MTHFD2L: variants seen among roughly 807,000 people sequenced by gnomAD.
MTHFD2L encodes the protein methylenetetrahydrofolate dehydrogenase (NADP+ dependent) 2 like.
A neutral mutation model predicts 34.9 loss-of-function variants in MTHFD2L; 29 were observed. The observed-to-expected ratio is 0.83, with a 90% CI of 0.62 to 1.13. MTHFD2L has a LOEUF of 1.13. Among genes scored for constraint, MTHFD2L ranks in the 50% most tolerant of loss-of-function variants. The pLI, the probability that MTHFD2L is intolerant of heterozygous loss-of-function variation, is 0.00. For missense variants in MTHFD2L, 481 were observed against 446.5 expected (o/e 1.08, Z -0.70); for synonymous variants, 167 against 155.7 (o/e 1.07, Z -0.54).
intron 5 of MTHFD2L, among the ~76,000 whole-genome samples, chr4:74,215,094 G>T (rs925023907): frequency 1.3e-5 from 2 of 151,790 alleles, no homozygotes; most frequent in East Asian, 3.9e-4. Context: ...AGACTGCTAT[G>T]CTGGCAGTGA....
rs542219175 is a variant in MTHFD2L at position 74,208,366 on chromosome 4, C to T, written c.712+6996C>T. On this transcript the variant is annotated intron_variant, in intron 5 of 7. Transcript: ENST00000325278. The stretch of plus-strand genomic sequence containing the variant: ...TCTTCTAAATTCAGCCATTTAGTAT[C>T]TGCACAGCACTGCACTTGGAAATTA... Among the ~76,000 whole-genome samples, 6 of 152,058 alleles carry T rather than the reference C, an allele frequency of 3.9e-5. No individual in the cohort carries two copies. The East Asian group carries it at 1.2e-3, about 29-fold the overall frequency.
chr4:74,290,679 G>A (rs1748776864), intron 7 of MTHFD2L, among the ~76,000 whole-genome samples: 1 of 151,782 alleles, frequency 6.6e-6, no homozygotes, highest in Admixed American at 6.6e-5. Context: ...AGGGTACATT[G>A]CTCACGTTTT....
At chr4:74,151,195 C>T (rs549477444) in intron 1 of MTHFD2L, among the ~76,000 whole-genome samples, 1 of 152,084 alleles carries the variant, frequency 6.6e-6, no homozygotes, top group African/African-American at 2.4e-5. Context: ...AATAAACTAT[C>T]AATAAGTTAT....
intron 5 of MTHFD2L, among the ~76,000 whole-genome samples, chr4:74,217,577 C>T (rs1308672535): frequency 1.3e-5 from 2 of 151,584 alleles, no homozygotes; most frequent in Non-Finnish European, 2.9e-5. Flanking sequence ...TTTCCGTATC[C>T]CGAGAAAGTG....
At chr4:74,198,776 G>C (rs945425678) in intron 3 of MTHFD2L, among the ~76,000 whole-genome samples, 4 of 152,116 alleles carry the variant, frequency 2.6e-5, no homozygotes, top group Non-Finnish European at 5.9e-5. Context: ...CTATTGAATG[G>C]AGAGACTTTC....
At chr4:74,296,546 T>G (rs1749658206) in intron 7 of MTHFD2L, among the ~76,000 whole-genome samples, 1 of 152,096 alleles carries the variant, frequency 6.6e-6, no homozygotes, top group African/African-American at 2.4e-5. Flanking sequence ...GTTTGCACAT[T>G]GGGGTTTGCC....
At chr4:74,164,186 A>G (rs1371452280) in intron 1 of MTHFD2L, among the ~76,000 whole-genome samples, 2 of 152,272 alleles carry the variant, frequency 1.3e-5, no homozygotes, top group East Asian at 3.9e-4. Flanking sequence ...AGGTTTTTTC[A>G]ACATTATAGA....
upstream of MTHFD2L, chr4:74,158,071 G>T: frequency 6.5e-7 from 1 of 1,531,188 alleles, no homozygotes; most frequent in East Asian, 2.5e-5. Context: ...GCGGAGCCAG[G>T]CCTCCAGCCG....
chr4:74,279,537 C>T (rs1454699882), intron 6 of MTHFD2L, among the ~76,000 whole-genome samples: 1 of 151,946 alleles, frequency 6.6e-6, no homozygotes, highest in East Asian at 1.9e-4. Flanking sequence ...TCACACTTTC[C>T]TCTATTTTGA....
intron 7 of MTHFD2L, among the ~76,000 whole-genome samples, chr4:74,291,083 T>A (rs575339171): frequency 9.0e-5 from 12 of 134,066 alleles, no homozygotes; most frequent in African/African-American, 3.4e-4. Context: ...AGTGGTGCGA[T>A]CTTGGCTCAC....
chr4:74,167,080 C>G (rs1578316495), intron 1 of MTHFD2L, among the ~76,000 whole-genome samples: 1 of 152,284 alleles, frequency 6.6e-6, no homozygotes. Context: ...ATTTGCAGAC[C>G]AAGGCTCCAG....
chr4:74,225,512 G>A (rs1739011124), intron 6 of MTHFD2L, 118 bp downstream of exon 6: 3 of 727,586 alleles, frequency 4.1e-6, no homozygotes, highest in South Asian at 3.5e-5. Context: ...ACTAACTTCT[G>A]TTGATTGGAT....
intron 1 of MTHFD2L, among the ~76,000 whole-genome samples, chr4:74,130,332 T>C (rs1390516415): frequency 3.3e-5 from 5 of 151,732 alleles, no homozygotes; most frequent in Non-Finnish European, 5.9e-5. Flanking sequence ...GATGCGAAAA[T>C]CCTCCATAAA....
At chr4:74,175,714 A>G (rs897808941) in intron 3 of MTHFD2L, among the ~76,000 whole-genome samples, 32 of 151,980 alleles carry the variant, frequency 2.1e-4, no homozygotes, top group African/African-American at 2.4e-5. Context: ...AAAAATAACA[A>G]TTTTTCTGTG....
intron 1 of MTHFD2L, among the ~76,000 whole-genome samples, chr4:74,164,547 G>A (rs1163130549): frequency 1.3e-5 from 2 of 152,190 alleles, no homozygotes; most frequent in Non-Finnish European, 2.9e-5. Context: ...GTCTCCATCT[G>A]TAATTTAGCA....
intron 1 of MTHFD2L, among the ~76,000 whole-genome samples, chr4:74,173,274 A>C (rs932744134): frequency 1.3e-5 from 2 of 152,188 alleles, no homozygotes; most frequent in Non-Finnish European, 2.9e-5. Flanking sequence ...AGAGCAGAAA[A>C]GCCTTTCTAG....
chr4:74,210,176 C>CA (rs140886945), intron 5 of MTHFD2L, among the ~76,000 whole-genome samples: 142,915 of 152,232 alleles, frequency 0.94, 67,459 homozygotes, highest in Non-Finnish European at 0.99. Context: ...TTTTGCTGTG[C>CA]GAAGCTCTTT....
intron 5 of MTHFD2L, among the ~76,000 whole-genome samples, chr4:74,209,272 C>T (rs1332257011): frequency 6.6e-6 from 1 of 152,086 alleles, no homozygotes; most frequent in Non-Finnish European, 1.5e-5. Context: ...ATACATGGGC[C>T]ATGGTGGTTT....
chr4:74,171,177 T>A (rs1023189131), intron 1 of MTHFD2L, among the ~76,000 whole-genome samples: 2 of 151,956 alleles, frequency 1.3e-5, no homozygotes. Context: ...TACTAAACAA[T>A]GGGCAAAAGA....
Sources: allele counts gnomAD v4.1 joint callset (sites outside exome capture counted in the v4.1 genomes callset), GRCh38; gene constraint gnomAD v4.1.1; transcripts MANE v1.5; gene names NCBI Gene and HGNC (gene_info 2026-07-23, HGNC 2026-07-21).